Variants in ARMC8 observed in about 807,000 individuals in gnomAD.
The protein encoded by ARMC8 is armadillo repeat-containing protein 8.
In ARMC8, 20 loss-of-function variants were observed where a neutral mutation model predicts 99.3. The observed-to-expected ratio is 0.20, with a 90% CI of 0.14 to 0.29. The LOEUF (loss-of-function observed/expected upper bound fraction) is 0.29. ARMC8 is among the 10% of genes least tolerant of loss of function. The pLI, the probability that ARMC8 is intolerant of heterozygous loss-of-function variation, is 1.00. For synonymous variants in ARMC8, 263 were observed against 278.3 expected, an observed-to-expected ratio of 0.95 and a Z score of 0.55; for missense variants, 569 against 809.5, an observed-to-expected ratio of 0.70 and a Z score of 3.60.
At position 138,252,405 on chromosome 3, in the gene ARMC8, A is replaced by G. The variant is rs150162234; in HGVS notation, c.1134+7222A>G. Among the ~76,000 whole-genome samples, 58 of 152,132 alleles carry G rather than the reference A, an allele frequency of 3.8e-4. No homozygotes were observed. The East Asian group carries it at 0.011, about 29-fold the overall frequency. On this transcript the variant is annotated intron_variant, in intron 12 of 21. Coordinates refer to ENST00000469044, the MANE Select transcript of ARMC8 (RefSeq NM_001363941.2). ...ATATTTACTGCTTGGCCCTTACAGAAAAAGTTTGCCCACCCTGTGCTAATA... is the reference window on the plus strand; with the variant it reads ...ATATTTACTGCTTGGCCCTTACAGAGAAAGTTTGCCCACCCTGTGCTAATA...
rs535442019 is a variant in ARMC8 at position 138,289,057 on chromosome 3, C to T, written c.1831C>T (p.His611Tyr). The T allele has an allele frequency of 1.9e-6, 3 of 1,612,446 alleles. No individual in the cohort carries two copies. In the South Asian group the frequency reaches 3.3e-5, roughly 18 times the overall value. Residue 611 changes from histidine to tyrosine, a missense_variant, in exon 20 of 22, where the codon CAT (histidine) becomes TAT (tyrosine). By Grantham distance (83) the His-to-Tyr change is moderately conservative (BLOSUM62 2). This residue lies in a region of ARMC8 where 227 missense variants were observed against 417.9 expected (regional missense o/e 0.54). Transcript: ENST00000469044. ...TTTTCTGTATTAATAGGGCCATTCA[C>T]ATGTTAAACTGCAGCTTGCAGCCAT... Reference protein sequence around the residue: ...QKIKYYMGHSHVKLQLAAMFC... With the variant: ...QKIKYYMGHSYVKLQLAAMFC...
At chr3:138,191,394 A>T (rs2043373659) in intron 1 of ARMC8, among the ~76,000 whole-genome samples, 1 of 152,258 alleles carries the variant, frequency 6.6e-6, no homozygotes, top group South Asian at 2.1e-4. Flanking sequence ...ATAATTATAG[A>T]TTCACAGGAA....
intron 18 of ARMC8, among the ~76,000 whole-genome samples, chr3:138,277,511 C>CTT (rs1320893005): frequency 4.6e-5 from 7 of 152,192 alleles, no homozygotes; most frequent in Non-Finnish European, 8.8e-5. Flanking sequence ...TGACAAATGA[C>CTT]TTGTGTCCAG....
intron 1 of ARMC8, among the ~76,000 whole-genome samples, chr3:138,194,573 C>A (rs563999530): frequency 6.6e-6 from 1 of 151,816 alleles, no homozygotes; most frequent in East Asian, 1.9e-4. Context: ...CTCCTGACCT[C>A]GTGATCTGCC....
rs1018824241 is a variant in ARMC8, at chr3:138,271,798, C to CTTTCTTTTTTTTTTTTTTTTT, written c.1480-1166_1480-1165insCTTTTTTTTTTTTTTTTTTTT. Among the ~76,000 whole-genome samples the CTTTCTTTTTTTTTTTTTTTTT allele has an allele frequency of 2.9e-4, 40 of 136,106 alleles. 1 individual carries two copies. The highest frequency in any genetic ancestry group is 1.1e-3 in the African/African-American group (39 of 35,266). The allele number at this position is 136,106 out of a possible 152,430, so 89.3% of individuals were successfully genotyped here. A position where few individuals can be genotyped will look rare whatever the true frequency, so the allele number is the denominator to read the frequency against. Reference sequence around the variant, plus strand: ...AGTTCACAAGATTTTTTTTTTCTTTCTTTTTTTTTTTTTTTGATACAGAGT... The same window carrying CTTTCTTTTTTTTTTTTTTTTT: ...AGTTCACAAGATTTTTTTTTTCTTTCTTTCTTTTTTTTTTTTTTTTTTTTTTTTTTTTTTTTGATACAGAGT... On this transcript the variant is annotated intron_variant, in intron 16 of 21. Coordinates refer to ENST00000469044, the MANE Select transcript of ARMC8 (RefSeq NM_001363941.2).
chr3:138,222,053 C>T, intron 3 of ARMC8, 56 bp downstream of exon 3: 2 of 1,363,394 alleles, frequency 1.5e-6, no homozygotes, highest in Non-Finnish European at 2.1e-6. Context: ...TAATGTATTT[C>T]TTACTCTCAA....
intron 1 of ARMC8, among the ~76,000 whole-genome samples, chr3:138,189,214 G>A (rs893127477): frequency 6.6e-6 from 1 of 151,358 alleles, no homozygotes; most frequent in Non-Finnish European, 1.5e-5. Flanking sequence ...AAAACTTCTT[G>A]AAGAGTATTT....
Position 138,291,350 on chromosome 3 carries a change from C to T in ARMC8, c.1988+711C>T, listed in dbSNP as rs573766480. The stretch of plus-strand genomic sequence containing the variant: ...CACCCCATACTGCAGCCATACCTGT[C>T]CGCTTACAGTAGCACACCTTCGTGC... On this transcript the variant is annotated intron_variant, in intron 21 of 21. Coordinates refer to ENST00000469044, the MANE Select transcript of ARMC8 (RefSeq NM_001363941.2). Among the ~76,000 whole-genome samples the T allele has an allele frequency of 8.5e-5, 13 of 152,354 alleles. No individual in the cohort carries two copies. In the South Asian group the frequency reaches 2.1e-3, roughly 24 times the overall value.
intron 14 of ARMC8, among the ~76,000 whole-genome samples, chr3:138,266,838 T>TA (rs749605118): frequency 6.6e-6 from 1 of 152,180 alleles, no homozygotes; most frequent in Non-Finnish European, 1.5e-5. Flanking sequence ...TGAGCTCACT[T>TA]ACCCCAGAGC....
intron 12 of ARMC8, among the ~76,000 whole-genome samples, chr3:138,257,528 T>C (rs986632094): frequency 3.9e-5 from 6 of 152,278 alleles, no homozygotes; most frequent in Non-Finnish European, 7.4e-5. Flanking sequence ...GATAAGCTGG[T>C]TGTATATGCC....
At chr3:138,271,143 A>T (rs1285787829) in intron 16 of ARMC8, among the ~76,000 whole-genome samples, 72 of 152,192 alleles carry the variant, frequency 4.7e-4, no homozygotes, top group Admixed American at 4.7e-3. Context: ...TTAGGATAGA[A>T]ATAATTATCT....
chr3:138,239,413 T>C, intron 9 of ARMC8, 55 bp from the exon 10 acceptor site: 2 of 1,327,774 alleles, frequency 1.5e-6, no homozygotes, highest in Non-Finnish European at 2.1e-6. Context: ...AAATAATTTT[T>C]CATTTAAAGC....
chr3:138,281,845 A>T (rs1293607965), intron 18 of ARMC8, among the ~76,000 whole-genome samples: 1 of 151,960 alleles, frequency 6.6e-6, no homozygotes, highest in Non-Finnish European at 1.5e-5. Context: ...TTTCTAGGAG[A>T]GTCTAAAAGT....
At chr3:138,233,289 A>G (rs915715595) in intron 6 of ARMC8, among the ~76,000 whole-genome samples, 1 of 152,222 alleles carries the variant, frequency 6.6e-6, no homozygotes, top group Non-Finnish European at 1.5e-5. Flanking sequence ...CAGTATTTTC[A>G]GTTATGACAA....
intron 2 of ARMC8, among the ~76,000 whole-genome samples, chr3:138,216,817 G>A (rs1430257936): frequency 6.6e-6 from 1 of 152,106 alleles, no homozygotes; most frequent in East Asian, 1.9e-4. Flanking sequence ...TACACATAGA[G>A]TATTCCAAAT....
At chr3:138,241,525 C>G (rs2046622579) in intron 10 of ARMC8, among the ~76,000 whole-genome samples, 1 of 152,086 alleles carries the variant, frequency 6.6e-6, no homozygotes, top group African/African-American at 2.4e-5. Flanking sequence ...TTATCGGTCC[C>G]AAAAGCCTAA....
rs1451048695 is a variant in ARMC8, at chr3:138,252,477, G to A, written c.1134+7294G>A. ...CTTTTTTTTTTTTTTTTTTTGAGAC[G>A]GGGTCTCGCACTGTCGCCCAGGCTG... On this transcript the variant is annotated intron_variant, in intron 12 of 21. Coordinates refer to ENST00000469044, the MANE Select transcript of ARMC8 (RefSeq NM_001363941.2). Among the ~76,000 whole-genome samples the A allele has an allele frequency of 3.5e-5, 5 of 141,748 alleles. No homozygotes were observed. In the East Asian group the frequency reaches 8.1e-4, roughly 23 times the overall value. 93.0% of individuals were successfully genotyped at this position (141,748 alleles called of 152,430 possible).
At chr3:138,294,443 A>T (rs2051276593) in intron 21 of ARMC8, among the ~76,000 whole-genome samples, 1 of 152,194 alleles carries the variant, frequency 6.6e-6, no homozygotes, top group South Asian at 2.1e-4. Flanking sequence ...GTCCTTGTAG[A>T]ACCCTACTTG....
chr3:138,264,560 C>T (rs2048083802), intron 14 of ARMC8, among the ~76,000 whole-genome samples: 1 of 151,660 alleles, frequency 6.6e-6, no homozygotes, highest in African/African-American at 2.4e-5. Context: ...GCTAGGACTA[C>T]AGGTGCGCAC....
Sources: allele counts gnomAD v4.1 joint callset (sites outside exome capture counted in the v4.1 genomes callset), GRCh38; gene constraint gnomAD v4.1.1; regional missense constraint gnomAD v4.1.1; transcripts MANE v1.5; gene names NCBI Gene and HGNC (gene_info 2026-07-23, HGNC 2026-07-21).